Variants in LPO observed in about 807,000 individuals in gnomAD.
The protein encoded by LPO is salivary peroxidase.
A neutral mutation model predicts 68.4 loss-of-function variants in LPO; 70 were observed. The ratio of observed to expected loss-of-function variants is 1.02; its 90% CI spans 0.84 to 1.25. LPO has a LOEUF of 1.25. Ranked by LOEUF, LPO falls within the 50% of genes most tolerant of loss-of-function variation. The pLI is 0.00. For synonymous variants in LPO, 360 were observed against 357.6 expected, an observed-to-expected ratio of 1.01 and a Z score of -0.08; for missense variants, 873 against 908.4, an observed-to-expected ratio of 0.96 and a Z score of 0.50.
intron 7 of LPO, 79 bp downstream of exon 7, chr17:58,250,700 G>A: frequency 7.1e-7 from 1 of 1,407,444 alleles, no homozygotes; most frequent in Non-Finnish European, 1.0e-6. Flanking sequence ...TCATCAGCTA[G>A]GATCTCTGGA....
At chr17:58,262,816 G>C (rs1452109307) in intron 9 of LPO, among the ~76,000 whole-genome samples, 2 of 152,208 alleles carry the variant, frequency 1.3e-5, no homozygotes, top group Admixed American at 1.3e-4. Flanking sequence ...GAATTTCGCT[G>C]TTTATCCTGT....
At chr17:58,253,931 C>A (rs1325643845) in intron 8 of LPO, among the ~76,000 whole-genome samples, 3 of 152,062 alleles carry the variant, frequency 2.0e-5, no homozygotes, top group African/African-American at 7.2e-5. Flanking sequence ...GGCAACATAG[C>A]AAGACCCCTG....
At position 58,267,793 on chromosome 17, in the gene LPO, G is replaced by A; in HGVS notation, c.1938G>A (p.Trp646Ter). 6.2e-7 allele frequency: 1 copy of A among 1,614,050 alleles called. No homozygotes were observed. Among genetic ancestry groups the A allele is most frequent in the South Asian group, 1.1e-5 (1 of 91,070 alleles). The change falls in exon 13 of 13, where the codon TGG (tryptophan) becomes TGA (stop). Residue 646 changes from tryptophan to a stop codon, truncating the protein, a stop_gained. Transcript: ENST00000262290. LOFTEE classifies it low-confidence loss of function (END_TRUNC). Reference protein sequence around the residue: ...FQQIRDGDRFWWENPGVFTNE... With the variant: ...FQQIRDGDRF The stretch of plus-strand genomic sequence containing the variant: ...TCTACTTCTGTCTCTGCAGGTTCTG[G>A]TGGGAAAACCCTGGGGTCTTCACGA...
At chr17:58,245,535 C>A (rs191166860) in intron 3 of LPO, among the ~76,000 whole-genome samples, 1 of 152,224 alleles carries the variant, frequency 6.6e-6, no homozygotes, top group African/African-American at 2.4e-5. Context: ...GGGGCAGGTC[C>A]CTTTTAAGCA....
chr17:58,247,770 T>C, intron 4 of LPO, 132 bp downstream of exon 4: 1 of 997,004 alleles, frequency 1.0e-6, no homozygotes, highest in Non-Finnish European at 1.4e-6. Flanking sequence ...TCTCCCTTCT[T>C]AGACCCGTAG....
At chr17:58,250,307 A>T in intron 6 of LPO, 108 bp from the exon 7 acceptor site, 1 of 864,864 alleles carries the variant, frequency 1.2e-6, no homozygotes, top group Non-Finnish European at 1.9e-6. Flanking sequence ...CCTTGTAGGG[A>T]TTAAGTGCAC....
chr17:58,256,826 C>CAAAA (rs969464308), intron 9 of LPO, among the ~76,000 whole-genome samples: 1 of 74,566 alleles, frequency 1.3e-5, no homozygotes, highest in African/African-American at 4.4e-5. Context: ...GACTCCCTTT[C>CAAAA]AAAAAAAAAA....
chr17:58,264,783 C>T lies in LPO; in HGVS notation c.1328C>T (p.Pro443Leu). 6.2e-7 allele frequency: 1 copy of T among 1,614,192 alleles called. No homozygotes were observed. Residue 443 changes from proline to leucine, a missense_variant, in exon 10 of 13, where the codon CCC becomes CTC. By Grantham distance (98) the Pro-to-Leu change is moderately conservative. Transcript: ENST00000262290. Reference protein sequence around the residue: ...LLGDHMQKWIPPYQGYSESVD... With the variant: ...LLGDHMQKWILPYQGYSESVD... ...GGTGACCACATGCAGAAGTGGATAC[C>T]CCCATATCAAGGCTACAGTGAATCT...
chr17:58,253,010 A>G (rs1485468312), intron 8 of LPO, among the ~76,000 whole-genome samples: 1 of 145,972 alleles, frequency 6.9e-6, no homozygotes, highest in African/African-American at 2.6e-5. Context: ...GCAACAAAGC[A>G]AGACTCCATC....
chr17:58,268,003 G>T lies in LPO; in HGVS notation c.*9G>T, dbSNP rs377415229. On this transcript the variant is annotated 3_prime_UTR_variant, in exon 13 of 13. Transcript: ENST00000262290. ...CCTCAGTGAAGAATTAGGGGCCCGC[G>T]CTGCACAGGAAAGTTCCCTTTGGTC... 20 of 1,612,704 alleles carry T rather than the reference G, an allele frequency of 1.2e-5. No homozygotes were observed. Among genetic ancestry groups the T allele is most frequent in the Non-Finnish European group, 1.4e-5 (17 of 1,179,916 alleles).
intron 3 of LPO, among the ~76,000 whole-genome samples, chr17:58,246,872 A>G (rs1038876632): frequency 6.6e-6 from 1 of 152,218 alleles, no homozygotes; most frequent in Non-Finnish European, 1.5e-5. Context: ...AAAATGATGA[A>G]ACAACATGGT....
intron 7 of LPO, 119 bp downstream of exon 7, chr17:58,250,740 C>T (rs1969944476): frequency 9.9e-7 from 1 of 1,012,062 alleles, no homozygotes; most frequent in Non-Finnish European, 1.5e-6. Flanking sequence ...TGGTAGTTTC[C>T]CATGCCTCAC....
chr17:58,265,069 T>C (rs1970238775), intron 10 of LPO, 95 bp downstream of exon 10: 1 of 1,518,314 alleles, frequency 6.6e-7, no homozygotes, highest in African/African-American at 1.4e-5. Context: ...CAAGCACTTT[T>C]ACATGACCTT....
intron 9 of LPO, among the ~76,000 whole-genome samples, chr17:58,260,316 A>G (rs1422266859): frequency 6.6e-6 from 1 of 152,202 alleles, no homozygotes; most frequent in Non-Finnish European, 1.5e-5. Context: ...TAATATGCCA[A>G]TAAAGACAGT....
Position 58,264,768 on chromosome 17 carries a change from T to G in LPO, c.1313T>G (p.Met438Arg), listed in dbSNP as rs755003370. The G allele has an allele frequency of 1.2e-6, 2 of 1,614,214 alleles. No homozygotes were observed. The highest frequency in any genetic ancestry group is 1.7e-6 in the Non-Finnish European group (2 of 1,180,028). The change falls in exon 10 of 13, where the codon ATG (methionine) becomes AGG (arginine). Residue 438 changes from methionine to arginine, a missense_variant. Physicochemically the swap from Met to Arg is moderately conservative, Grantham distance 91 (BLOSUM62 -1). Transcript: ENST00000262290. ...DYLPILLGDH[M>R]QKWIPPYQGY... ...CTACCCATTTTGCTAGGTGACCACA[T>G]GCAGAAGTGGATACCCCCATATCAA...
At chr17:58,263,113 T>C (rs1970203087) in intron 9 of LPO, among the ~76,000 whole-genome samples, 1 of 152,248 alleles carries the variant, frequency 6.6e-6, no homozygotes, top group African/African-American at 2.4e-5. Flanking sequence ...CACTCTGTTA[T>C]TGAGTCTATT....
rs113484079 is a variant in LPO at position 58,247,418 on chromosome 17, C to T, written c.165-60C>T. On this transcript the variant is annotated intron_variant, in intron 3 of 12. Transcript: ENST00000262290. Reference sequence around the variant, plus strand: ...ACACACACCCCTCCCACCCCTCCAGCGGCCCCCAGCCCCCTTCCTACAGGG... The same window carrying T: ...ACACACACCCCTCCCACCCCTCCAGTGGCCCCCAGCCCCCTTCCTACAGGG... 958 of 1,522,602 alleles carry T rather than the reference C, an allele frequency of 6.3e-4. 7 individuals are homozygous for T. The African/African-American group carries it at 0.011, about 17-fold the overall frequency. 94.3% of individuals were successfully genotyped at this position (1,522,602 alleles called of 1,614,324 possible). A position where few individuals can be genotyped will look rare whatever the true frequency, so the allele number is the denominator to read the frequency against.
rs539943215 is a variant in LPO at position 58,249,325 on chromosome 17, C to G, written c.443+148C>G. ...CCCACCTTCCCCACCTTCTCAAGATCGCGCGTCTCCAGCCCTCTCCCTCCA... is the reference window on the plus strand; with the variant it reads ...CCCACCTTCCCCACCTTCTCAAGATGGCGCGTCTCCAGCCCTCTCCCTCCA... On this transcript the variant is annotated intron_variant, in intron 5 of 12. Transcript: ENST00000262290. 8.0e-6 allele frequency: 7 copies of G among 874,260 alleles called. No individual in the cohort carries two copies. The East Asian group carries it at 1.1e-4, about 13-fold the overall frequency. 54.2% of individuals were successfully genotyped at this position (874,260 alleles called of 1,614,324 possible).
At chr17:58,258,368 A>G (rs1160859965) in intron 9 of LPO, among the ~76,000 whole-genome samples, 1 of 152,218 alleles carries the variant, frequency 6.6e-6, no homozygotes, top group African/African-American at 2.4e-5. Context: ...ATGGATATCC[A>G]GTTTTCCCAG....
Sources: allele counts gnomAD v4.1 joint callset (sites outside exome capture counted in the v4.1 genomes callset), GRCh38; gene constraint gnomAD v4.1.1; transcripts MANE v1.5; gene names NCBI Gene and HGNC (gene_info 2026-07-23, HGNC 2026-07-21).